OSBPL10: variants seen among roughly 807,000 people sequenced by gnomAD.
OSBPL10 encodes the protein oxysterol binding protein like 10, also known as oxysterol-binding protein-related protein 10.
In OSBPL10, 49 loss-of-function variants were observed where a neutral mutation model predicts 81.7. The ratio of observed to expected loss-of-function variants is 0.60; its 90% CI spans 0.48 to 0.76. OSBPL10 has a LOEUF of 0.76. OSBPL10 is among the 30% of genes least tolerant of loss of function. OSBPL10 has a pLI of 0.00. For missense variants in OSBPL10, 923 were observed against 987.8 expected (o/e 0.93, Z 0.88); for synonymous variants, 419 against 383.6 (o/e 1.09, Z -1.08).
intron 4 of OSBPL10, among the ~76,000 whole-genome samples, chr3:31,800,727 T>C (rs1348886117): frequency 2.0e-5 from 3 of 152,200 alleles, no homozygotes; most frequent in Non-Finnish European, 4.4e-5. Context: ...CAATATGCTA[T>C]AAAAACTTAT....
At chr3:31,990,073 CAT>C (rs1699003312) in intron 2 of OSBPL10, 1 of 1,613,968 alleles carries the variant, frequency 6.2e-7, no homozygotes. Context: ...TCTTGAAAGA[CAT>C]AGGAGAATTC....
intron 2 of OSBPL10, among the ~76,000 whole-genome samples, chr3:31,988,305 G>T (rs972836078): frequency 1.3e-5 from 2 of 152,180 alleles, no homozygotes; most frequent in African/African-American, 4.8e-5. Context: ...ACCTGACTTA[G>T]ATGGTGAGAT....
At chr3:31,781,097 T>G (rs1271675254) in intron 4 of OSBPL10, among the ~76,000 whole-genome samples, 2 of 152,130 alleles carry the variant, frequency 1.3e-5, no homozygotes, top group Non-Finnish European at 2.9e-5. Context: ...TAACAGCATA[T>G]TAAAAAGATA....
intron 3 of OSBPL10, among the ~76,000 whole-genome samples, chr3:31,844,561 T>A (rs1700580489): frequency 6.6e-6 from 1 of 152,360 alleles, no homozygotes; most frequent in African/African-American, 2.4e-5. Context: ...AAAAGTCACA[T>A]ATGATTTCAT....
intron 6 of OSBPL10, among the ~76,000 whole-genome samples, chr3:31,725,587 G>A (rs998555311): frequency 2.0e-5 from 3 of 152,180 alleles, no homozygotes; most frequent in Non-Finnish European, 2.9e-5. Context: ...CTTAGCACCT[G>A]TTAGATAGCA....
At chr3:31,667,752 C>A (rs1240106462) in intron 10 of OSBPL10, among the ~76,000 whole-genome samples, 1 of 152,294 alleles carries the variant, frequency 6.6e-6, no homozygotes, top group Non-Finnish European at 1.5e-5. Context: ...AGCCATAAGC[C>A]ATATGTAAAT....
At chr3:32,044,745 A>AG (rs1223059157) in intron 2 of OSBPL10, among the ~76,000 whole-genome samples, 34 of 149,948 alleles carry the variant, frequency 2.3e-4, no homozygotes, top group Admixed American at 1.1e-3. Context: ...CCATCTCAAA[A>AG]AAAAAAAAAA....
At chr3:31,777,218 G>A (rs958343869) in intron 4 of OSBPL10, among the ~76,000 whole-genome samples, 5 of 152,170 alleles carry the variant, frequency 3.3e-5, no homozygotes, top group South Asian at 2.1e-4. Flanking sequence ...GCTCATCTTT[G>A]CCCAGCTCTG....
chr3:31,906,234 T>C (rs756967772), intron 1 of OSBPL10, among the ~76,000 whole-genome samples: 3 of 152,140 alleles, frequency 2.0e-5, no homozygotes, highest in South Asian at 2.1e-4. Flanking sequence ...ACAAAGTATA[T>C]ATAACCCACT....
chr3:31,828,079 G>A (rs1001273371), intron 4 of OSBPL10, among the ~76,000 whole-genome samples: 1 of 151,648 alleles, frequency 6.6e-6, no homozygotes, highest in African/African-American at 2.4e-5. Context: ...ATACAATAAA[G>A]AATATTATCA....
intron 3 of OSBPL10, among the ~76,000 whole-genome samples, chr3:31,872,468 T>A (rs1267617993): frequency 1.3e-5 from 2 of 148,260 alleles, no homozygotes; most frequent in Non-Finnish European, 3.0e-5. Context: ...TTTTTTTTTT[T>A]AAGTCTGGGA....
At chr3:31,802,133 G>A (rs928058549) in intron 4 of OSBPL10, among the ~76,000 whole-genome samples, 7 of 146,076 alleles carry the variant, frequency 4.8e-5, no homozygotes, top group East Asian at 2.0e-4. Context: ...CGCCCGCCTC[G>A]GCCTCCCAAA....
In OSBPL10 at chr3:31,965,241, G is replaced by A. The variant is rs191973736; in HGVS notation, c.281+15658C>T. Reference sequence around the variant, plus strand: ...AAAAATTAGCCGGGCGTGGTGGTGGGCACCTGTAGTCCCAGCTACTCGGGA... The same window carrying A: ...AAAAATTAGCCGGGCGTGGTGGTGGACACCTGTAGTCCCAGCTACTCGGGA... On this transcript the variant is annotated intron_variant, in intron 1 of 11. Transcript: ENST00000396556. 7.8e-3 allele frequency among the ~76,000 whole-genome samples: 1,180 copies of A among 150,550 alleles called. 5 individuals are homozygous for A. The highest frequency in any genetic ancestry group is 0.011 in the Non-Finnish European group (777 of 67,798).
chr3:32,070,406 C>T (rs1699820420), intron 1 of OSBPL10, among the ~76,000 whole-genome samples: 1 of 152,144 alleles, frequency 6.6e-6, no homozygotes, highest in Non-Finnish European at 1.5e-5. Context: ...CTGATTATTC[C>T]TGGACTACAG....
intron 6 of OSBPL10, among the ~76,000 whole-genome samples, chr3:31,730,352 A>AG (rs1403050506): frequency 4.7e-5 from 7 of 150,270 alleles, no homozygotes; most frequent in South Asian, 2.1e-4. Context: ...CTCCAAAAAA[A>AG]GGGGGAAAAA....
At chr3:31,787,661 G>A (rs888787353) in intron 4 of OSBPL10, among the ~76,000 whole-genome samples, 2 of 151,604 alleles carry the variant, frequency 1.3e-5, no homozygotes, top group Non-Finnish European at 2.9e-5. Context: ...TTAGCCAGCC[G>A]GTTCAGCCAC....
At chr3:31,720,881 CAAAAAAAAAAAAA>C (rs61492992) in intron 6 of OSBPL10, among the ~76,000 whole-genome samples, 1 of 66,312 alleles carries the variant, frequency 1.5e-5, no homozygotes, top group African/African-American at 6.2e-5. Flanking sequence ...GACTCTGTCT[CAAAAAAAAAAAAA>C]AAAAAAAAAA....
chr3:31,888,630 C>T (rs1383175732), intron 1 of OSBPL10, among the ~76,000 whole-genome samples: 1 of 152,108 alleles, frequency 6.6e-6, no homozygotes, highest in Non-Finnish European at 1.5e-5. Flanking sequence ...AAAAAAACCA[C>T]AAATAATGGG....
intron 4 of OSBPL10, among the ~76,000 whole-genome samples, chr3:31,776,582 G>A (rs933014986): frequency 2.0e-5 from 3 of 152,180 alleles, no homozygotes; most frequent in Non-Finnish European, 2.9e-5. Flanking sequence ...ATGGATAAAT[G>A]TGGTATATCC....
Sources: allele counts gnomAD v4.1 joint callset (sites outside exome capture counted in the v4.1 genomes callset), GRCh38; gene constraint gnomAD v4.1.1; transcripts MANE v1.5; gene names NCBI Gene and HGNC (gene_info 2026-07-23, HGNC 2026-07-21).